The following ABCA1 variants were observed in gnomAD, a reference collection of about 807,000 sequenced individuals.
ABCA1 encodes ATP binding cassette subfamily A member 1, also known as phospholipid-transporting ATPase ABCA1.
A neutral mutation model predicts 262.5 loss-of-function variants in ABCA1; 133 were observed. That is an observed-to-expected ratio of 0.51 (90% CI 0.44 to 0.59). The LOEUF is 0.59. Ranked by LOEUF, ABCA1 falls within the 20% of genes least tolerant of loss-of-function variation. The pLI is 0.00. For synonymous variants in ABCA1, 1,022 were observed against 1,043.5 expected (o/e 0.98, Z 0.40); for missense variants, 2,452 against 2,777.5 (o/e 0.88, Z 2.63).
intron 9 of ABCA1, 46 bp from the exon 10 acceptor site, chr9:104,837,613 C>A (rs1434198666): frequency 1.2e-6 from 2 of 1,607,826 alleles, no homozygotes; most frequent in Admixed American, 1.7e-5. Context: ...TGGTCATATA[C>A]TGATAGAAAC....
At chr9:104,816,004 G>A (rs1831719078) in intron 25 of ABCA1, 139 bp downstream of exon 25, 1 of 950,174 alleles carries the variant, frequency 1.1e-6, no homozygotes, top group Non-Finnish European at 1.7e-6. Flanking sequence ...GCTCACTGGG[G>A]CCAACATTAA....
chr9:104,893,935 T>A (rs986513069), intron 2 of ABCA1, among the ~76,000 whole-genome samples: 1 of 152,232 alleles, frequency 6.6e-6, no homozygotes, highest in African/African-American at 2.4e-5. Flanking sequence ...GCAGCTACTG[T>A]GTACTCAAGA....
At chr9:104,852,330 A>T (rs1003640769) in intron 7 of ABCA1, among the ~76,000 whole-genome samples, 1 of 152,252 alleles carries the variant, frequency 6.6e-6, no homozygotes, top group African/African-American at 2.4e-5. Context: ...AATATTTTTT[A>T]TTGAAATACG....
At position 104,785,565 on chromosome 9, in the gene ABCA1, A is replaced by G; in HGVS notation, c.6476T>C (p.Phe2159Ser). 4 of 1,614,202 alleles carry G rather than the reference A, an allele frequency of 2.5e-6. No homozygotes were observed. Among genetic ancestry groups the G allele is most frequent in the Non-Finnish European group, 3.4e-6 (4 of 1,180,026 alleles). The change falls in exon 49 of 50, where the codon TTT becomes TCT. Residue 2159 changes from phenylalanine to serine, a missense_variant. By Grantham distance (155) the Phe-to-Ser change is radical. Around this residue, in one of 4 missense-constraint regions of ABCA1, gnomAD observed 752 missense variants for 944.5 expected, o/e 0.80. Transcript: ENST00000374736. ...NPDLKPVQDF[F>S]GLAFPGSVLK... ...AACACTTCCAGGAAATGCAAGTCCA[A>G]AGAAATCCTGGACAGGCTTCAGGTC...
chr9:104,856,082 C>T, intron 7 of ABCA1: 1 of 1,595,172 alleles, frequency 6.3e-7, no homozygotes, highest in East Asian at 2.2e-5. Context: ...TCACATGTCA[C>T]ATCCATCTAC....
At chr9:104,861,601 G>T (rs1046715150) in intron 6 of ABCA1, 78 bp downstream of exon 6, 1 of 1,581,818 alleles carries the variant, frequency 6.3e-7, no homozygotes, top group Non-Finnish European at 8.7e-7. Context: ...AAGGACAAGG[G>T]TTTATTCATT....
chr9:104,802,666 G>GT (rs1345932432), intron 33 of ABCA1, among the ~76,000 whole-genome samples: 2 of 152,206 alleles, frequency 1.3e-5, no homozygotes. Context: ...ACGGAAATCA[G>GT]TAACAAGGAG....
chr9:104,913,132 T>C (rs1327184813), intron 1 of ABCA1, among the ~76,000 whole-genome samples: 1 of 152,212 alleles, frequency 6.6e-6, no homozygotes, highest in East Asian at 1.9e-4. Context: ...AGGATTTATA[T>C]TTATGAAAGT....
At position 104,828,891 on chromosome 9, in the gene ABCA1, G is replaced by A. The variant is rs113574562; in HGVS notation, c.2115+25C>T. 59 of 1,611,698 alleles carry A rather than the reference G, an allele frequency of 3.7e-5. No homozygotes were observed. The African/African-American group carries it at 7.8e-4, about 21-fold the overall frequency. On this transcript the variant is annotated intron_variant, in intron 15 of 49. Transcript: ENST00000374736. Reference sequence around the variant, plus strand: ...GAGCTATTTCGGAGTTTCCTGGCAGGGAAGAGCGAGTGAGGCTGCCTTACC... The same window carrying A: ...GAGCTATTTCGGAGTTTCCTGGCAGAGAAGAGCGAGTGAGGCTGCCTTACC...
chr9:104,828,405 T>C (rs1414898932), intron 15 of ABCA1, among the ~76,000 whole-genome samples: 1 of 152,170 alleles, frequency 6.6e-6, no homozygotes, highest in Non-Finnish European at 1.5e-5. Context: ...TATATCACAG[T>C]TCAACTCCTC....
rs538988216 is a variant in ABCA1, at chr9:104,892,068, CA to C, written c.67-2874del. Among the ~76,000 whole-genome samples, 34 of 136,032 alleles carry C rather than the reference CA, an allele frequency of 2.5e-4. No homozygotes were observed. The South Asian group carries it at 8.0e-3, about 32-fold the overall frequency. 89.2% of individuals were successfully genotyped at this position (136,032 alleles called of 152,430 possible). On this transcript the variant is annotated intron_variant, in intron 2 of 49. Transcript: ENST00000374736. Reference sequence around the variant, plus strand: ...AGCATGTATAAATTATCTCATGGAACAAAAAAACACTGTTACCATAAAACTA... The same window carrying C: ...AGCATGTATAAATTATCTCATGGAACAAAAAACACTGTTACCATAAAACTA...
intron 7 of ABCA1, among the ~76,000 whole-genome samples, chr9:104,850,584 G>A (rs1176279027): frequency 6.6e-6 from 1 of 152,222 alleles, no homozygotes; most frequent in Admixed American, 6.5e-5. Flanking sequence ...AGATCTAACA[G>A]ACAGATAACT....
At chr9:104,799,460 C>T in intron 36 of ABCA1, 1 of 967,928 alleles carries the variant, frequency 1.0e-6, no homozygotes, top group African/African-American at 1.8e-5. Flanking sequence ...ATTAAAGATA[C>T]AAGCTAATAA....
intron 2 of ABCA1, among the ~76,000 whole-genome samples, chr9:104,893,444 A>AG (rs1839944189): frequency 8.0e-6 from 1 of 124,896 alleles, no homozygotes; most frequent in Non-Finnish European, 1.8e-5. Flanking sequence ...AAAAAAAAAA[A>AG]AAAAAAAAGA....
rs1015644827 is a variant in ABCA1 at position 104,840,350 on chromosome 9, T to C, written c.983A>G (p.Asn328Ser). ...KIKSLNWYED[N>S]NYKALFGGNG... ...GCCTCCAAAGAGGGCTTTGTAGTTG[T>C]TGTCCTCATACCAGTTGAGAGACTT... Residue 328 changes from asparagine (N) to serine (S), a missense_variant, in exon 9 of 50, where the codon AAC becomes AGC. Around this residue, in one of 4 missense-constraint regions of ABCA1, gnomAD observed 1,032 missense variants for 1,089.7 expected, o/e 0.95. Transcript: ENST00000374736. The C allele has an allele frequency of 1.9e-6, 3 of 1,614,110 alleles. No individual in the cohort carries two copies. The highest frequency in any genetic ancestry group is 1.6e-4 in the Middle Eastern group (1 of 6,084).
rs148360918 is a variant in ABCA1, at chr9:104,799,523, T to G, written c.4943+296A>C. On this transcript the variant is annotated intron_variant, in intron 36 of 49. Transcript: ENST00000374736. ...TGGTTTTTAAACAAATCAAACTGAT[T>G]AAACACTTATAATTAAATTATAATT... is the stretch of plus-strand genomic sequence containing the variant. 2.4e-4 allele frequency: 237 copies of G among 982,058 alleles called. 2 individuals are homozygous for G. In the East Asian group the frequency reaches 0.018, roughly 75 times the overall value. 60.8% of individuals were successfully genotyped at this position (982,058 alleles called of 1,614,324 possible).
intron 25 of ABCA1, among the ~76,000 whole-genome samples, 156 bp from the exon 26 acceptor site, chr9:104,814,631 G>A (rs1201959632): frequency 6.6e-6 from 1 of 152,170 alleles, no homozygotes; most frequent in Non-Finnish European, 1.5e-5. Context: ...GAGTTACCTG[G>A]GAGAGAAGCC....
chr9:104,785,584 T>C lies in ABCA1; in HGVS notation c.6457A>G (p.Lys2153Glu). The change falls in exon 49 of 50, where the codon AAG (lysine) becomes GAG (glutamate). Residue 2153 changes from lysine to glutamate, a missense_variant. This residue lies in a region of ABCA1 where 752 missense variants were observed against 944.5 expected (regional missense o/e 0.80). Coordinates refer to ENST00000374736, the MANE Select transcript of ABCA1 (RefSeq NM_005502.4). The part of the protein sequence containing the change: ...VRIAGSNPDL[K>E]PVQDFFGLAF... Reference sequence around the variant, plus strand: ...AGTCCAAAGAAATCCTGGACAGGCTTCAGGTCCGGGTTGGACCCTGCTATT... The same window carrying C: ...AGTCCAAAGAAATCCTGGACAGGCTCCAGGTCCGGGTTGGACCCTGCTATT... 3 of 1,614,170 alleles carry C rather than the reference T, an allele frequency of 1.9e-6. No individual in the cohort carries two copies. In the South Asian group the frequency reaches 3.3e-5, roughly 18 times the overall value.
chr9:104,848,486 G>A (rs766581078), intron 7 of ABCA1, among the ~76,000 whole-genome samples: 1 of 152,070 alleles, frequency 6.6e-6, no homozygotes. Context: ...ATGGTGGCAT[G>A]TGCTTGTAAT....
Sources: gnomAD v4.1 joint callset for allele counts (sites outside exome capture counted in the v4.1 genomes callset) on GRCh38, gnomAD v4.1.1 for gene constraint, gnomAD v4.1.1 regional missense constraint, MANE v1.5 for transcripts, NCBI Gene and HGNC (gene_info 2026-07-23, HGNC 2026-07-21) for gene names.